Variants in AUTS2 observed in about 807,000 individuals in gnomAD.
The protein encoded by AUTS2 is activator of transcription and developmental regulator AUTS2, also known as autism susceptibility gene 2 protein.
A neutral mutation model predicts 112.4 loss-of-function variants in AUTS2; 17 were observed. The observed-to-expected ratio is 0.15, with a 90% CI of 0.10 to 0.23. The LOEUF (loss-of-function observed/expected upper bound fraction) is 0.23, where lower values mean the gene tolerates loss of function less well. Ranked by LOEUF, AUTS2 falls within the 10% of genes least tolerant of loss-of-function variation. The pLI is 1.00. For synonymous variants in AUTS2, 751 were observed against 702.7 expected (o/e 1.07, Z -1.09); for missense variants, 1,510 against 1,701.6 (o/e 0.89, Z 1.98).
chr7:69,968,166 A>G (rs542484977), intron 2 of AUTS2, among the ~76,000 whole-genome samples: 35 of 152,188 alleles, frequency 2.3e-4, no homozygotes, highest in Non-Finnish European at 4.3e-4. Context: ...TTGGTTCTGA[A>G]ACAAATTGAC....
At chr7:70,651,939 G>A (rs551752629) in intron 5 of AUTS2, among the ~76,000 whole-genome samples, 31 of 152,280 alleles carry the variant, frequency 2.0e-4, no homozygotes, top group African/African-American at 7.0e-4. Flanking sequence ...TCAGACTTTG[G>A]CGCCTCCATT....
intron 6 of AUTS2, among the ~76,000 whole-genome samples, chr7:70,728,468 G>T (rs1787161063): frequency 6.6e-6 from 1 of 152,024 alleles, no homozygotes; most frequent in Non-Finnish European, 1.5e-5. Flanking sequence ...CAGCATTTTG[G>T]GAGGCCGACA....
intron 4 of AUTS2, among the ~76,000 whole-genome samples, chr7:70,336,408 T>A (rs1790992257): frequency 6.6e-6 from 1 of 152,194 alleles, no homozygotes; most frequent in South Asian, 2.1e-4. Flanking sequence ...AGAATTTATA[T>A]TGATAAATGC....
chr7:70,613,241 C>CTGTGTGTG (rs71077668), intron 5 of AUTS2, among the ~76,000 whole-genome samples: 1 of 147,628 alleles, frequency 6.8e-6, no homozygotes, highest in Admixed American at 6.8e-5. Context: ...GTGTGTGTGT[C>CTGTGTGTG]TGTGTGTGTG....
intron 4 of AUTS2, chr7:70,290,443 A>C: frequency 6.5e-7 from 1 of 1,543,730 alleles, no homozygotes; most frequent in East Asian, 2.5e-5. Flanking sequence ...TGTCAGCAAC[A>C]CTTCATCCTG....
chr7:70,311,698 A>G (rs1194186541), intron 4 of AUTS2, among the ~76,000 whole-genome samples: 2 of 151,716 alleles, frequency 1.3e-5, no homozygotes. Context: ...CTGGGATTAC[A>G]GGTGCCCGCC....
At chr7:70,420,667 T>C (rs1457426629) in intron 4 of AUTS2, among the ~76,000 whole-genome samples, 1 of 152,226 alleles carries the variant, frequency 6.6e-6, no homozygotes, top group African/African-American at 2.4e-5. Context: ...TAGTAAGCAG[T>C]GACTGATAGA....
chr7:70,213,538 C>CAA (rs71077632), intron 4 of AUTS2, among the ~76,000 whole-genome samples: 30,166 of 124,294 alleles, frequency 0.24, 3,124 homozygotes, highest in Middle Eastern at 0.37. Flanking sequence ...GACCCTGTCT[C>CAA]AAAAAAAAAA....
chr7:70,207,486 G>A (rs1217451789), intron 4 of AUTS2, among the ~76,000 whole-genome samples: 4 of 152,324 alleles, frequency 2.6e-5, no homozygotes, highest in African/African-American at 7.2e-5. Context: ...TTGAGATACA[G>A]TATTATGCAG....
intron 5 of AUTS2, among the ~76,000 whole-genome samples, chr7:70,676,960 A>G (rs954751467): frequency 4.8e-4 from 73 of 152,282 alleles, no homozygotes; most frequent in African/African-American, 1.5e-3. Context: ...ACTTGCCTCT[A>G]TGTTCTTACA....
intron 1 of AUTS2, among the ~76,000 whole-genome samples, chr7:69,707,167 A>G (rs1039358289): frequency 6.6e-6 from 1 of 152,212 alleles, no homozygotes; most frequent in Non-Finnish European, 1.5e-5. Context: ...AGAGATTAGC[A>G]GTGGGTCCAT....
At position 70,679,595 on chromosome 7, in the gene AUTS2, T is replaced by G. The variant is rs538242235; in HGVS notation, c.691-18974T>G. On this transcript the variant is annotated intron_variant, in intron 5 of 18. Coordinates refer to ENST00000342771, the MANE Select transcript of AUTS2 (RefSeq NM_015570.4). ...AATAAGTTCTTTTCAAGCCAAACTT[T>G]CATGTTAAAAAAAAAAAAAAATCCT... 5.9e-5 allele frequency among the ~76,000 whole-genome samples: 8 copies of G among 136,540 alleles called. No homozygotes were observed. In the Admixed American group the frequency reaches 6.6e-4, roughly 11 times the overall value. 89.6% of individuals were successfully genotyped at this position (136,540 alleles called of 152,430 possible). A position where few individuals can be genotyped will look rare whatever the true frequency, so the allele number is the denominator to read the frequency against.
intron 2 of AUTS2, among the ~76,000 whole-genome samples, chr7:69,921,781 A>G (rs1254271388): frequency 6.9e-6 from 1 of 145,246 alleles, no homozygotes; most frequent in Non-Finnish European, 1.5e-5. Context: ...AAAAAAAAAA[A>G]AAGGCCGGGC....
At chr7:70,525,743 GGAGCCC>G (rs1400630682) in intron 5 of AUTS2, among the ~76,000 whole-genome samples, 1 of 152,228 alleles carries the variant, frequency 6.6e-6, no homozygotes, top group African/African-American at 2.4e-5. Flanking sequence ...TATGAGGAAA[GGAGCCC>G]ACTTGTGGAG....
intron 2 of AUTS2, among the ~76,000 whole-genome samples, chr7:69,908,619 G>T (rs534477241): frequency 6.6e-6 from 1 of 152,324 alleles, no homozygotes; most frequent in South Asian, 2.1e-4. Context: ...TCACAGCTCT[G>T]CAGAAGCTGC....
chr7:70,739,938 C>T (rs542208528), intron 6 of AUTS2, among the ~76,000 whole-genome samples: 2 of 152,032 alleles, frequency 1.3e-5, no homozygotes, highest in Admixed American at 1.3e-4. Context: ...TGTTGGACAA[C>T]AGCAGTATTC....
Position 70,088,492 on chromosome 7 carries a change from G to A in AUTS2, c.523-29640G>A, listed in dbSNP as rs535752615. On this transcript the variant is annotated intron_variant, in intron 2 of 18. Transcript: ENST00000342771. ...ATTTTATTTGGTTTCTACTCTTATC[G>A]TTGTTATTTCCTGTATTCTACTTAC... 3.8e-4 allele frequency among the ~76,000 whole-genome samples: 56 copies of A among 147,062 alleles called. 2 individuals carry two copies. The South Asian group carries it at 9.3e-3, about 24-fold the overall frequency.
intron 1 of AUTS2, among the ~76,000 whole-genome samples, chr7:69,691,792 G>A (rs1461627055): frequency 1.3e-5 from 2 of 152,138 alleles, no homozygotes; most frequent in Non-Finnish European, 2.9e-5. Context: ...GCTGCAGCAT[G>A]GGCCGCTGCT....
chr7:70,488,053 G>A (rs891035328), intron 5 of AUTS2, among the ~76,000 whole-genome samples: 9 of 152,170 alleles, frequency 5.9e-5, no homozygotes, highest in East Asian at 3.9e-4. Flanking sequence ...GAAACACCAC[G>A]GGCACCGCCC....
Sources: allele counts gnomAD v4.1 joint callset (sites outside exome capture counted in the v4.1 genomes callset), GRCh38; gene constraint gnomAD v4.1.1; transcripts MANE v1.5; gene names NCBI Gene and HGNC (gene_info 2026-07-23, HGNC 2026-07-21).